Variants in FAR2 observed in about 807,000 individuals in gnomAD.
FAR2 encodes the protein fatty acyl-CoA reductase 2, also known as epididymis secretory protein Li 81.
Under a neutral mutation model 56.0 loss-of-function variants are expected in FAR2, and 19 were observed. That is an observed-to-expected ratio of 0.34 (90% CI 0.24 to 0.50). FAR2 has a LOEUF of 0.50. FAR2 is among the 20% of genes least tolerant of loss of function. The pLI, the probability that FAR2 is intolerant of heterozygous loss-of-function variation, is 0.98. For missense variants in FAR2, 508 were observed against 642.2 expected, an observed-to-expected ratio of 0.79 and a Z score of 2.26; for synonymous variants, 219 against 218.8, an observed-to-expected ratio of 1.00 and a Z score of -0.01.
At chr12:29,317,116 A>T in intron 9 of FAR2, 104 bp downstream of exon 9, 1 of 1,254,834 alleles carries the variant, frequency 8.0e-7, no homozygotes, top group Non-Finnish European at 1.1e-6. Context: ...AGACAACTGA[A>T]TCTTACCCAT....
intron 2 of FAR2, among the ~76,000 whole-genome samples, chr12:29,287,529 A>T (rs746164093): frequency 2.6e-5 from 4 of 152,012 alleles, no homozygotes; most frequent in Non-Finnish European, 5.9e-5. Context: ...AAAATTCTCT[A>T]AAAAAAATTA....
intron 8 of FAR2, 150 bp downstream of exon 8, chr12:29,312,100 A>G: frequency 1.7e-6 from 1 of 583,670 alleles, no homozygotes; most frequent in South Asian, 2.5e-5. Flanking sequence ...TAAATGTGTG[A>G]TAGTTAACTA....
intron 1 of FAR2, among the ~76,000 whole-genome samples, chr12:29,206,537 G>A (rs1947479408): frequency 6.6e-6 from 1 of 152,154 alleles, no homozygotes; most frequent in Non-Finnish European, 1.5e-5. Flanking sequence ...CTTTGCTTTA[G>A]TGCCTCTGGC....
intron 3 of FAR2, 68 bp downstream of exon 3, chr12:29,293,543 G>GT: frequency 8.6e-7 from 1 of 1,161,012 alleles, no homozygotes; most frequent in Non-Finnish European, 1.1e-6. Context: ...CATAGTTTCT[G>GT]TAAAAAAAAA....
chr12:29,202,495 A>C (rs1947428703), intron 1 of FAR2, among the ~76,000 whole-genome samples: 1 of 152,194 alleles, frequency 6.6e-6, no homozygotes, highest in Admixed American at 6.5e-5. Flanking sequence ...TTAAAAAACA[A>C]GTCTGACAGG....
chr12:29,293,402 A>G lies in FAR2; in HGVS notation c.292A>G (p.Met98Val). ...QNDFAISKEDMQELLSCTNII... is the reference protein window; with the variant it reads ...QNDFAISKEDVQELLSCTNII... Reference sequence around the variant, plus strand: ...TGACTTTGCCATCAGCAAAGAGGACATGCAGGAGCTTCTCTCCTGTACAAA... The same window carrying G: ...TGACTTTGCCATCAGCAAAGAGGACGTGCAGGAGCTTCTCTCCTGTACAAA... The change falls in exon 3 of 12, where the codon ATG (methionine) becomes GTG (valine). Residue 98 changes from methionine to valine, a missense_variant. By Grantham distance (21) the Met-to-Val change is conservative. Transcript: ENST00000536681. The G allele has an allele frequency of 6.2e-7, 1 of 1,612,796 alleles. No homozygotes were observed.
chr12:29,264,746 T>A (rs1948484930), intron 1 of FAR2, among the ~76,000 whole-genome samples: 1 of 151,834 alleles, frequency 6.6e-6, no homozygotes, highest in Non-Finnish European at 1.5e-5. Flanking sequence ...TCAGCCTTGT[T>A]TGCATATGAT....
chr12:29,330,210 C>T (rs1034532817), intron 10 of FAR2, among the ~76,000 whole-genome samples: 5 of 152,044 alleles, frequency 3.3e-5, no homozygotes, highest in African/African-American at 4.8e-5. Flanking sequence ...GCGCATGCCA[C>T]GACGCCTGGC....
Position 29,207,084 on chromosome 12 carries a change from T to C in FAR2, c.-39+57677T>C, listed in dbSNP as rs185666986. On this transcript the variant is annotated intron_variant, in intron 1 of 11. Coordinates refer to ENST00000536681, the MANE Select transcript of FAR2 (RefSeq NM_001271783.2). ...AAGAGAGAAGGCAGAAAAGTCAGGT[T>C]GCATCTGACTCTTAAATGGTCTTGC... Among the ~76,000 whole-genome samples, 756 of 152,232 alleles carry C rather than the reference T, an allele frequency of 5.0e-3. 5 individuals are homozygous for C. Among genetic ancestry groups the C allele is most frequent in the Non-Finnish European group, 9.3e-3 (630 of 68,010 alleles).
chr12:29,189,168 T>G (rs1416845759), intron 1 of FAR2, among the ~76,000 whole-genome samples: 1 of 152,230 alleles, frequency 6.6e-6, no homozygotes, highest in Non-Finnish European at 1.5e-5. Context: ...GCCACATTTA[T>G]TATTTGAAAT....
intron 4 of FAR2, among the ~76,000 whole-genome samples, chr12:29,300,485 A>G (rs1949144929): frequency 1.3e-5 from 2 of 152,234 alleles, no homozygotes; most frequent in African/African-American, 2.4e-5. Flanking sequence ...TCTTTGTTTT[A>G]GGAAAATACT....
chr12:29,189,532 A>G (rs947583722), intron 1 of FAR2, among the ~76,000 whole-genome samples: 49 of 152,186 alleles, frequency 3.2e-4, no homozygotes, highest in African/African-American at 1.2e-3. Flanking sequence ...TTAGAAACCA[A>G]GATTTGTGCC....
chr12:29,323,305 G>A (rs1359748290), intron 10 of FAR2, among the ~76,000 whole-genome samples: 1 of 152,242 alleles, frequency 6.6e-6, no homozygotes, highest in African/African-American at 2.4e-5. Flanking sequence ...TGCCTCTGTA[G>A]GCTCCACCTC....
intron 1 of FAR2, among the ~76,000 whole-genome samples, chr12:29,185,302 T>C (rs536590372): frequency 6.6e-6 from 1 of 152,348 alleles, no homozygotes; most frequent in Admixed American, 6.5e-5. Context: ...TAGAAAACTA[T>C]CCTGTCCTCT....
intron 1 of FAR2, among the ~76,000 whole-genome samples, chr12:29,208,062 AT>A (rs1565471468): frequency 6.6e-6 from 1 of 152,262 alleles, no homozygotes; most frequent in African/African-American, 2.4e-5. Flanking sequence ...AAAAACTTAT[AT>A]AAAATAGTAT....
chr12:29,170,749 CCT>C (rs57701261), intron 1 of FAR2, among the ~76,000 whole-genome samples: 5,848 of 150,300 alleles, frequency 0.039, 327 homozygotes, highest in African/African-American at 0.13. Flanking sequence ...TCTGTCTCTT[CCT>C]CTCTCTCTCT....
intron 1 of FAR2, among the ~76,000 whole-genome samples, chr12:29,267,102 A>G (rs1202191324): frequency 1.3e-5 from 2 of 152,182 alleles, no homozygotes; most frequent in Non-Finnish European, 2.9e-5. Flanking sequence ...AATAGGCAAA[A>G]TTTATCATGA....
intron 1 of FAR2, among the ~76,000 whole-genome samples, chr12:29,174,708 A>T (rs937233428): frequency 6.6e-6 from 1 of 152,078 alleles, no homozygotes; most frequent in African/African-American, 2.4e-5. Flanking sequence ...GCATGAGCCA[A>T]CGCACCCGGC....
rs145275402 is a variant in FAR2 at position 29,255,962 on chromosome 12, T to C, written c.-38-14450T>C. Among the ~76,000 whole-genome samples, 406 of 152,206 alleles carry C rather than the reference T, an allele frequency of 2.7e-3. 4 individuals are homozygous for C. The highest frequency in any genetic ancestry group is 8.7e-3 in the African/African-American group (360 of 41,534). On this transcript the variant is annotated intron_variant, in intron 1 of 11. Coordinates refer to ENST00000536681, the MANE Select transcript of FAR2 (RefSeq NM_001271783.2). The stretch of plus-strand genomic sequence containing the variant: ...TCAGCTCACTTCAACCTCTGACTCC[T>C]GGGTTCAAGCAATTCTACCCACTCA...
Sources: gnomAD v4.1 joint callset for allele counts (sites outside exome capture counted in the v4.1 genomes callset) on GRCh38, gnomAD v4.1.1 for gene constraint, MANE v1.5 for transcripts, NCBI Gene and HGNC (gene_info 2026-07-23, HGNC 2026-07-21) for gene names.